CDKN2B-AS1: variants seen among roughly 807,000 people sequenced by gnomAD.
CDKN2B-AS1 encodes CDKN2B and CDKN2A antisense cis and trans regulatory RNA 1.
intron 4 of CDKN2B-AS1, among the ~76,000 whole-genome samples, chr9:22,089,159 C>CTCTA (rs1824972282): frequency 6.6e-6 from 1 of 152,118 alleles, no homozygotes; most frequent in South Asian, 2.1e-4. Context: ...TTAGGTAGAT[C>CTCTA]ACTTCAATCT....
intron 1 of CDKN2B-AS1, among the ~76,000 whole-genome samples, chr9:22,015,263 C>A (rs1267367995): frequency 1.3e-5 from 2 of 152,120 alleles, no homozygotes; most frequent in African/African-American, 4.8e-5. Flanking sequence ...ACATCCTCTC[C>A]AGCACCTGTT....
intron 3 of CDKN2B-AS1, among the ~76,000 whole-genome samples, chr9:22,050,520 G>A (rs543939500): frequency 3.9e-5 from 6 of 152,208 alleles, no homozygotes; most frequent in Admixed American, 1.3e-4. Flanking sequence ...GCAATTTCTC[G>A]TTAATTGACA....
At chr9:22,099,197 A>C (rs1408229331) in intron 4 of CDKN2B-AS1, among the ~76,000 whole-genome samples, 1 of 152,080 alleles carries the variant, frequency 6.6e-6, no homozygotes, top group Non-Finnish European at 1.5e-5. Context: ...TTGAAAGAAC[A>C]CTCCATTTTT....
rs1007969245 is a variant in CDKN2B-AS1, at chr9:22,039,985, G to A, written n.30-6766G>A. On this transcript the variant is annotated intron_variant and non_coding_transcript_variant, in intron 1 of 4. Coordinates refer to ENST00000650946, the Ensembl canonical transcript of CDKN2B-AS1. This position sits in a 1 kb window ranked among gnomAD's most constrained non-coding sequence, Gnocchi z 4.4. ...GACATGCACTGGGAGAATGCTCTCT[G>A]AAGACTGGAGTTATGCTGCTAAAAG... 1.3e-5 allele frequency among the ~76,000 whole-genome samples: 2 copies of A among 152,026 alleles called. No homozygotes were observed. Among genetic ancestry groups the A allele is most frequent in the African/African-American group, 2.4e-5 (1 of 41,432 alleles).
intron 4 of CDKN2B-AS1, among the ~76,000 whole-genome samples, chr9:22,068,890 C>T (rs919788047): frequency 7.2e-5 from 11 of 152,214 alleles, no homozygotes; most frequent in African/African-American, 2.4e-4. Context: ...AGTCAACAAA[C>T]AGTACAGGCA....
chr9:22,069,224 C>T (rs1824190255), intron 4 of CDKN2B-AS1, among the ~76,000 whole-genome samples: 1 of 152,180 alleles, frequency 6.6e-6, no homozygotes, highest in Non-Finnish European at 1.5e-5. Flanking sequence ...CCTGGCACTC[C>T]TCTGGCATAG....
intron 1 of CDKN2B-AS1, among the ~76,000 whole-genome samples, chr9:22,002,187 T>TA (rs957881884): frequency 6.6e-6 from 1 of 152,076 alleles, no homozygotes; most frequent in African/African-American, 2.4e-5. Flanking sequence ...AGAATTTGGT[T>TA]ATGATTAGTT....
intron 4 of CDKN2B-AS1, among the ~76,000 whole-genome samples, chr9:22,088,511 G>T (rs1824943872): frequency 6.6e-6 from 1 of 152,018 alleles, no homozygotes; most frequent in Non-Finnish European, 1.5e-5. Flanking sequence ...CCTAGGCTAA[G>T]AACCAGCATT....
rs73441292 is a variant in CDKN2B-AS1, at chr9:22,122,561, A to T, written n.439-4542A>T. ...ATTTAGGTTTTTGATCCATTTTGCAATGATATTTATATAGGGTGAGAGACG... is the reference window on the plus strand; with the variant it reads ...ATTTAGGTTTTTGATCCATTTTGCATTGATATTTATATAGGGTGAGAGACG... On this transcript the variant is annotated intron_variant and non_coding_transcript_variant, in intron 4 of 4. Transcript: ENST00000650946. 9.8e-3 allele frequency among the ~76,000 whole-genome samples: 1,484 copies of T among 152,126 alleles called. 28 individuals carry two copies. The highest frequency in any genetic ancestry group is 0.033 in the African/African-American group (1,352 of 41,518).
In CDKN2B-AS1 at chr9:22,039,895, C is replaced by A. The variant is rs1207657485; in HGVS notation, n.30-6856C>A. ...CAAATATAATTAGTTAAGATGCGAT[C>A]TTACTGACATAGGAGAAGCTCCTAA... On this transcript the variant is annotated intron_variant and non_coding_transcript_variant, in intron 1 of 4. Transcript: ENST00000650946. This position sits in a 1 kb window ranked among gnomAD's most constrained non-coding sequence, Gnocchi z 4.4. Among the ~76,000 whole-genome samples the A allele has an allele frequency of 5.9e-5, 9 of 151,982 alleles. No individual in the cohort carries two copies. The East Asian group carries it at 1.7e-3, about 29-fold the overall frequency.
chr9:22,086,848 C>G lies in CDKN2B-AS1; in HGVS notation n.438+30461C>G, dbSNP rs536766840. Reference sequence around the variant, plus strand: ...TACTGTGTGTATTTTATCCATATGGCCCAGATTTGTATTACTTATTTGTGA... The same window carrying G: ...TACTGTGTGTATTTTATCCATATGGGCCAGATTTGTATTACTTATTTGTGA... On this transcript the variant is annotated intron_variant and non_coding_transcript_variant, in intron 4 of 4. Transcript: ENST00000650946. Among the ~76,000 whole-genome samples the G allele has an allele frequency of 3.3e-5, 5 of 152,264 alleles. No homozygotes were observed. In the South Asian group the frequency reaches 8.3e-4, roughly 25 times the overall value.
chr9:22,062,854 A>G (rs1162623905), intron 4 of CDKN2B-AS1, among the ~76,000 whole-genome samples: 3 of 151,794 alleles, frequency 2.0e-5, no homozygotes, highest in African/African-American at 7.3e-5. Flanking sequence ...GATATTGTTG[A>G]TGAATTGGGC....
intron 4 of CDKN2B-AS1, among the ~76,000 whole-genome samples, chr9:22,094,615 G>A (rs889668359): frequency 1.4e-5 from 2 of 144,402 alleles, no homozygotes; most frequent in Non-Finnish European, 1.5e-5. Context: ...CGGCTACTGA[G>A]GCTTGTGCAT....
intron 4 of CDKN2B-AS1, among the ~76,000 whole-genome samples, chr9:22,062,818 GAGA>G (rs1823875714): frequency 6.6e-6 from 1 of 152,072 alleles, no homozygotes; most frequent in Non-Finnish European, 1.5e-5. Flanking sequence ...TTGGGCTTGA[GAGA>G]AGGATTAGAG....
At chr9:22,073,347 T>G (rs1288790335) in intron 4 of CDKN2B-AS1, among the ~76,000 whole-genome samples, 1 of 152,184 alleles carries the variant, frequency 6.6e-6, no homozygotes, top group Non-Finnish European at 1.5e-5. Context: ...CAACCATAAC[T>G]GACCCCTGCA....
At chr9:22,123,555 AG>A (rs1826137920) in intron 4 of CDKN2B-AS1, among the ~76,000 whole-genome samples, 1 of 152,294 alleles carries the variant, frequency 6.6e-6, no homozygotes, top group African/African-American at 2.4e-5. Flanking sequence ...GGAGGTCTCG[AG>A]GGGTAAGAGA....
intron 1 of CDKN2B-AS1, among the ~76,000 whole-genome samples, chr9:22,019,655 G>T (rs1421810106): frequency 6.6e-6 from 1 of 152,196 alleles, no homozygotes; most frequent in East Asian, 1.9e-4. Flanking sequence ...AGAGAGAGGG[G>T]TCTAGAGCTC....
At chr9:22,109,705 C>A (rs1008020104) in intron 4 of CDKN2B-AS1, among the ~76,000 whole-genome samples, 4 of 152,094 alleles carry the variant, frequency 2.6e-5, no homozygotes, top group Admixed American at 2.0e-4. Context: ...TTAGCTGTGT[C>A]TGTCTTTTTT....
At chr9:22,026,729 T>C (rs1389155320) in intron 1 of CDKN2B-AS1, among the ~76,000 whole-genome samples, 1 of 152,188 alleles carries the variant, frequency 6.6e-6, no homozygotes. Context: ...AAGTCGCAGC[T>C]ACTTTTGCCC....
Sources: allele counts gnomAD v4.1 joint callset (sites outside exome capture counted in the v4.1 genomes callset), GRCh38; gene constraint gnomAD v4.1.1; non-coding constraint Gnocchi (gnomAD v3.1); transcripts MANE v1.5; gene names NCBI Gene and HGNC (gene_info 2026-07-23, HGNC 2026-07-21).